The following CNTN6 variants were observed in gnomAD, a reference collection of about 807,000 sequenced individuals.
CNTN6 encodes contactin 6, also known as contactin-6.
In CNTN6, 137 loss-of-function variants were observed where a neutral mutation model predicts 122.8. That is an observed-to-expected ratio of 1.12 (90% CI 0.97 to 1.29). The LOEUF is 1.29. CNTN6 is among the 50% of genes most tolerant of loss of function. The pLI, the probability that CNTN6 is intolerant of heterozygous loss-of-function variation, is 0.00. For missense variants in CNTN6, 1,634 were observed against 1,223.4 expected, an observed-to-expected ratio of 1.34 and a Z score of -5.01; for synonymous variants, 570 against 426.0, an observed-to-expected ratio of 1.34 and a Z score of -4.16.
chr3:1,372,758 T>G, intron 13 of CNTN6, 80 bp from the exon 14 acceptor site: 1 of 868,088 alleles, frequency 1.2e-6, no homozygotes, highest in South Asian at 1.7e-5. Flanking sequence ...TTATGTTTCG[T>G]ATTTATCCAG....
At chr3:1,261,396 T>C (rs2094844045) in intron 4 of CNTN6, among the ~76,000 whole-genome samples, 1 of 152,118 alleles carries the variant, frequency 6.6e-6, no homozygotes, top group African/African-American at 2.4e-5. Flanking sequence ...TCAGTACAGC[T>C]GAGTGCCCCC....
Position 1,383,321 on chromosome 3 carries a change from T to C in CNTN6, c.2430T>C (p.Ser810=). Residue 810 remains serine (S), a synonymous_variant, in exon 19 of 23, where the codon TCT becomes TCC. Transcript: ENST00000446702. The part of the protein sequence containing the change: ...DEPQLAPRGT[S]LQSFSASEME... ...CTCAACTGGCCCCAAGGGGAACTTC[T>C]CTCCAGAGTTTTTCTGCTTCTGAAA... 6.2e-7 allele frequency: 1 copy of C among 1,614,064 alleles called. No homozygotes were observed. The highest frequency in any genetic ancestry group is 8.5e-7 in the Non-Finnish European group (1 of 1,179,896).
At position 1,295,619 on chromosome 3, in the gene CNTN6, C is replaced by G. The variant is rs1189745833; in HGVS notation, c.473C>G (p.Thr158Ser). The G allele has an allele frequency of 1.9e-6, 3 of 1,613,564 alleles. No homozygotes were observed. Among genetic ancestry groups the G allele is most frequent in the Non-Finnish European group, 2.5e-6 (3 of 1,179,694 alleles). ...TTTTCAGATTTATCTTATGCATGGA[C>G]CTTCAATGATAACCCCTTATACGTC... ...PHFGDLSYAW[T>S]FNDNPLYVQE... The change falls in exon 6 of 23, where the codon ACC becomes AGC. Residue 158 changes from threonine to serine, a missense_variant. Thr to Ser is a moderately conservative substitution (Grantham distance 58, BLOSUM62 1). Coordinates refer to ENST00000446702, the MANE Select transcript of CNTN6 (RefSeq NM_001289080.2).
At chr3:1,382,854 G>C in intron 17 of CNTN6, 88 bp from the exon 18 acceptor site, 1 of 886,448 alleles carries the variant, frequency 1.1e-6, no homozygotes, top group South Asian at 1.7e-5. Context: ...TGTCTCTATG[G>C]AAGAAATGTG....
chr3:1,232,784 G>C (rs1054789737), intron 4 of CNTN6, among the ~76,000 whole-genome samples: 7 of 152,192 alleles, frequency 4.6e-5, no homozygotes, highest in African/African-American at 1.7e-4. Flanking sequence ...GTGAGAAGTA[G>C]TGAAGTTTGT....
chr3:1,344,420 G>A (rs1704355707), intron 11 of CNTN6, among the ~76,000 whole-genome samples: 1 of 152,176 alleles, frequency 6.6e-6, no homozygotes, highest in South Asian at 2.1e-4. Context: ...TTACCTGACT[G>A]CCCCTTTGCT....
intron 11 of CNTN6, among the ~76,000 whole-genome samples, chr3:1,336,744 G>A (rs997450368): frequency 2.6e-5 from 4 of 152,074 alleles, no homozygotes; most frequent in African/African-American, 4.8e-5. Context: ...TTGAACAAGC[G>A]GTGCTTCTTC....
intron 4 of CNTN6, among the ~76,000 whole-genome samples, chr3:1,271,424 A>G (rs1430560019): frequency 6.6e-6 from 1 of 152,124 alleles, no homozygotes; most frequent in Non-Finnish European, 1.5e-5. Context: ...CATATACCCA[A>G]TATTTCATTC....
intron 4 of CNTN6, among the ~76,000 whole-genome samples, chr3:1,270,039 T>C (rs2094996971): frequency 6.6e-6 from 1 of 152,190 alleles, no homozygotes; most frequent in Admixed American, 6.5e-5. Flanking sequence ...TATTGCCTCT[T>C]TTACAGCGTT....
At chr3:1,197,852 C>T (rs977730218) in intron 2 of CNTN6, among the ~76,000 whole-genome samples, 3 of 152,236 alleles carry the variant, frequency 2.0e-5, no homozygotes, top group South Asian at 2.1e-4. Flanking sequence ...TGCTCTATTA[C>T]GTGTGCTAAT....
chr3:1,120,666 T>A (rs1216529281), intron 1 of CNTN6, among the ~76,000 whole-genome samples: 3 of 151,926 alleles, frequency 2.0e-5, no homozygotes, highest in African/African-American at 7.2e-5. Context: ...TTTTTATGGT[T>A]GGTCATTTTT....
intron 4 of CNTN6, among the ~76,000 whole-genome samples, chr3:1,250,132 A>C (rs926036973): frequency 6.6e-6 from 1 of 152,208 alleles, no homozygotes; most frequent in South Asian, 2.1e-4. Context: ...AAAATTAATA[A>C]AAGCTTATAT....
intron 2 of CNTN6, among the ~76,000 whole-genome samples, chr3:1,177,684 T>C (rs2093475720): frequency 6.6e-6 from 1 of 152,160 alleles, no homozygotes; most frequent in African/African-American, 2.4e-5. Flanking sequence ...CAGATTTTTT[T>C]CTTTCAGCAC....
chr3:1,324,193 T>G (rs1326675964), intron 8 of CNTN6, among the ~76,000 whole-genome samples: 1 of 149,460 alleles, frequency 6.7e-6, no homozygotes, highest in Non-Finnish European at 1.5e-5. Flanking sequence ...GAGGTAATCC[T>G]AGGCTTAGTT....
chr3:1,376,990 C>G lies in CNTN6; in HGVS notation c.2096-15C>G, dbSNP rs776809360. On this transcript the variant is annotated splice_polypyrimidine_tract_variant and intron_variant, in intron 16 of 22. Coordinates refer to ENST00000446702, the MANE Select transcript of CNTN6 (RefSeq NM_001289080.2). Reference sequence around the variant, plus strand: ...TTAATAATTGCCATCCCACATTTCTCTTGGTTATTTTTAGTCCCTGTTGTG... The same window carrying G: ...TTAATAATTGCCATCCCACATTTCTGTTGGTTATTTTTAGTCCCTGTTGTG... 1 of 1,572,202 alleles carries G rather than the reference C, an allele frequency of 6.4e-7. No homozygotes were observed. The highest frequency in any genetic ancestry group is 2.3e-5 in the East Asian group (1 of 43,862).
chr3:1,117,404 G>C (rs1235778465), intron 1 of CNTN6, among the ~76,000 whole-genome samples: 1 of 152,076 alleles, frequency 6.6e-6, no homozygotes, highest in Non-Finnish European at 1.5e-5. Flanking sequence ...ATAATTAGGA[G>C]GCAGAAAAGC....
Position 1,147,917 on chromosome 3 carries a change from T to A in CNTN6, c.-82-10T>A. On this transcript the variant is annotated splice_polypyrimidine_tract_variant and intron_variant, in intron 1 of 22. Coordinates refer to ENST00000446702, the MANE Select transcript of CNTN6 (RefSeq NM_001289080.2). ...CGTTTTTCATTTCATGACAATTTTG[T>A]CTTTTTCAGACTCTTGAGATACTGA... is the stretch of plus-strand genomic sequence containing the variant. 1 of 812,690 alleles carries A rather than the reference T, an allele frequency of 1.2e-6. No individual in the cohort carries two copies. The highest frequency in any genetic ancestry group is 1.7e-5 in the South Asian group (1 of 57,652). 50.3% of individuals were successfully genotyped at this position (812,690 alleles called of 1,614,324 possible).
At chr3:1,344,737 C>T (rs530793282) in intron 11 of CNTN6, among the ~76,000 whole-genome samples, 1 of 152,170 alleles carries the variant, frequency 6.6e-6, no homozygotes, top group African/African-American at 2.4e-5. Context: ...TCCCCAAAGT[C>T]AGACAAAATA....
chr3:1,302,716 TTC>T (rs1697636258), intron 7 of CNTN6, among the ~76,000 whole-genome samples: 1 of 152,166 alleles, frequency 6.6e-6, no homozygotes, highest in African/African-American at 2.4e-5. Flanking sequence ...GGAATATTTT[TTC>T]TCTTGAGGTT....
Sources: gnomAD v4.1 joint callset for allele counts (sites outside exome capture counted in the v4.1 genomes callset) on GRCh38, gnomAD v4.1.1 for gene constraint, MANE v1.5 for transcripts, NCBI Gene and HGNC (gene_info 2026-07-23, HGNC 2026-07-21) for gene names.